The following TMTC4 variants were observed in gnomAD, a reference collection of about 807,000 sequenced individuals.
The protein encoded by TMTC4 is transmembrane O-mannosyltransferase targeting cadherins 4.
A neutral mutation model predicts 86.0 loss-of-function variants in TMTC4; 65 were observed. The observed-to-expected ratio is 0.76, with a 90% CI of 0.62 to 0.93. The LOEUF (loss-of-function observed/expected upper bound fraction) is 0.93. TMTC4 is among the 40% of genes least tolerant of loss of function. TMTC4 has a pLI of 0.00. For missense variants in TMTC4, 866 were observed against 948.1 expected, an observed-to-expected ratio of 0.91 and a Z score of 1.14; for synonymous variants, 379 against 382.5, an observed-to-expected ratio of 0.99 and a Z score of 0.11.
At chr13:100,661,520 G>A (rs1885773433) in intron 5 of TMTC4, among the ~76,000 whole-genome samples, 1 of 152,174 alleles carries the variant, frequency 6.6e-6, no homozygotes, top group Admixed American at 6.5e-5. Flanking sequence ...CCCTTATTCA[G>A]GATCAATGGC....
Position 100,668,710 on chromosome 13 carries a change from T to C in TMTC4, c.88A>G (p.Ile30Val), listed in dbSNP as rs1311429959. Residue 30 changes from isoleucine to valine, a missense_variant, in exon 3 of 19, where the codon ATT becomes GTT. Transcript: ENST00000342624. ...GGAGGAAGAACAGAAGATGGAAGAATGTGATCCAAATCAGTGTCCAACACG... is the reference window on the plus strand; with the variant it reads ...GGAGGAAGAACAGAAGATGGAAGAACGTGATCCAAATCAGTGTCCAACACG... ...MAVLDTDLDH[I>V]LPSSVLPPFW... The C allele has an allele frequency of 1.2e-6, 2 of 1,614,242 alleles. No individual in the cohort carries two copies. The highest frequency in any genetic ancestry group is 1.1e-5 in the South Asian group (1 of 91,086).
intron 16 of TMTC4, 121 bp from the exon 17 acceptor site, chr13:100,612,631 G>A: frequency 3.5e-6 from 2 of 578,402 alleles, no homozygotes; most frequent in East Asian, 7.6e-5. Context: ...AACTACTTAA[G>A]AAAATCTGTG....
intron 7 of TMTC4, among the ~76,000 whole-genome samples, chr13:100,639,622 G>A (rs951750260): frequency 2.6e-5 from 4 of 152,110 alleles, no homozygotes; most frequent in Admixed American, 6.5e-5. Flanking sequence ...AAATTCAACC[G>A]AACTCTCTCC....
intron 11 of TMTC4, 35 bp from the exon 12 acceptor site, chr13:100,634,971 TGAGA>T (rs1882005096): frequency 1.2e-6 from 2 of 1,610,600 alleles, no homozygotes; most frequent in Non-Finnish European, 8.5e-7. Context: ...TTGTCACCAG[TGAGA>T]TGCATCCGGT....
At chr13:100,642,342 A>T in intron 6 of TMTC4, 31 bp from the exon 7 acceptor site, 1 of 1,611,304 alleles carries the variant, frequency 6.2e-7, no homozygotes. Flanking sequence ...TCAGTGCAAA[A>T]GTCATGGAAT....
Position 100,636,741 on chromosome 13 carries a change from G to C in TMTC4, c.1000-7C>G. 6.2e-7 allele frequency: 1 copy of C among 1,613,854 alleles called. No homozygotes were observed. Among genetic ancestry groups the C allele is most frequent in the Admixed American group, 1.7e-5 (1 of 60,012 alleles). On this transcript the variant is annotated splice_polypyrimidine_tract_variant and splice_region_variant and intron_variant, in intron 9 of 18. Transcript: ENST00000342624. ...AGTAATTGTAGTTTACGGCCTGCCA[G>C]TCAAAAGGAGAACAAACATCTATTT...
chr13:100,610,807 G>A (rs749295995), intron 17 of TMTC4, among the ~76,000 whole-genome samples: 2 of 152,156 alleles, frequency 1.3e-5, no homozygotes, highest in Non-Finnish European at 1.5e-5. Flanking sequence ...AAGAAGACTC[G>A]CTGTAGCTGG....
intron 17 of TMTC4, 129 bp downstream of exon 17, chr13:100,612,269 A>G (rs1877709338): frequency 4.3e-6 from 3 of 702,786 alleles, no homozygotes; most frequent in Admixed American, 3.4e-5. Flanking sequence ...CAAACTGGCC[A>G]AGCCACATTG....
chr13:100,664,085 A>G, intron 4 of TMTC4, 136 bp downstream of exon 4: 1 of 597,868 alleles, frequency 1.7e-6, no homozygotes, highest in Non-Finnish European at 2.8e-6. Flanking sequence ...AGACCCATGT[A>G]TATGAGCAGC....
intron 12 of TMTC4, among the ~76,000 whole-genome samples, chr13:100,633,672 A>T (rs1324307908): frequency 2.0e-5 from 3 of 152,254 alleles, no homozygotes; most frequent in African/African-American, 7.2e-5. Context: ...TTTGAACATC[A>T]TAAGAGTGTA....
At chr13:100,609,678 T>C (rs12050033) in intron 17 of TMTC4, among the ~76,000 whole-genome samples, 42,933 of 142,392 alleles carry the variant, frequency 0.3, 7,303 homozygotes, top group East Asian at 0.42. Flanking sequence ...AATGTATATA[T>C]ATACACACAC....
chr13:100,651,437 G>T (rs1255734053), intron 6 of TMTC4, among the ~76,000 whole-genome samples: 1 of 140,058 alleles, frequency 7.1e-6, no homozygotes, highest in African/African-American at 2.7e-5. Flanking sequence ...CCTTTATGAG[G>T]ACATCTACTT....
At chr13:100,673,503 G>C (rs1048847975) in intron 1 of TMTC4, among the ~76,000 whole-genome samples, 3 of 152,188 alleles carry the variant, frequency 2.0e-5, no homozygotes, top group African/African-American at 7.2e-5. Flanking sequence ...GAACACAATC[G>C]TTTGTGACCC....
At chr13:100,672,629 T>C (rs961413220) in intron 1 of TMTC4, among the ~76,000 whole-genome samples, 3 of 152,180 alleles carry the variant, frequency 2.0e-5, no homozygotes, top group African/African-American at 7.2e-5. Context: ...TAGCTGGGAC[T>C]ATAGGCATAT....
intron 7 of TMTC4, among the ~76,000 whole-genome samples, chr13:100,639,129 C>A (rs2138892665): frequency 6.6e-6 from 1 of 152,242 alleles, no homozygotes; most frequent in South Asian, 2.1e-4. Flanking sequence ...TAAAGCTGCC[C>A]CTAAATGACT....
intron 17 of TMTC4, among the ~76,000 whole-genome samples, chr13:100,611,237 G>A (rs1026865683): frequency 3.3e-5 from 5 of 152,154 alleles, no homozygotes; most frequent in African/African-American, 9.7e-5. Flanking sequence ...CTTAAGAAAC[G>A]ACTAAGGCAC....
At chr13:100,607,803 C>T (rs1406523920) in intron 17 of TMTC4, among the ~76,000 whole-genome samples, 2 of 152,050 alleles carry the variant, frequency 1.3e-5, no homozygotes, top group African/African-American at 4.8e-5. Flanking sequence ...GAAATGTCAT[C>T]CAAGAGGGAC....
At chr13:100,648,867 T>G (rs1044048571) in intron 6 of TMTC4, among the ~76,000 whole-genome samples, 3 of 152,146 alleles carry the variant, frequency 2.0e-5, no homozygotes, top group African/African-American at 7.2e-5. Context: ...TTTTTATTTT[T>G]GTCGAGAAAG....
chr13:100,674,628 G>T (rs2139098762), intron 1 of TMTC4, 116 bp downstream of exon 1: 1 of 982,516 alleles, frequency 1.0e-6, no homozygotes, highest in Admixed American at 6.2e-5. Flanking sequence ...GCTCTGGCCC[G>T]GGCCGCCGTG....
Sources: allele counts gnomAD v4.1 joint callset (sites outside exome capture counted in the v4.1 genomes callset), GRCh38; gene constraint gnomAD v4.1.1; transcripts MANE v1.5; gene names NCBI Gene and HGNC (gene_info 2026-07-23, HGNC 2026-07-21).